Variants in C1orf198 observed in about 807,000 individuals in gnomAD.
C1orf198 encodes uncharacterized protein C1orf198.
In C1orf198, 17 loss-of-function variants were observed where a neutral mutation model predicts 31.4. The ratio of observed to expected loss-of-function variants is 0.54; its 90% CI spans 0.37 to 0.81. The LOEUF (loss-of-function observed/expected upper bound fraction) is 0.81. Among genes scored for constraint, C1orf198 ranks in the 40% least tolerant of loss-of-function variants. The pLI is 0.00. For missense variants in C1orf198, 401 were observed against 450.3 expected (o/e 0.89, Z 0.99); for synonymous variants, 175 against 193.8 (o/e 0.90, Z 0.81).
chr1:230,852,655 T>C (rs967860804), intron 2 of C1orf198, among the ~76,000 whole-genome samples: 1 of 152,166 alleles, frequency 6.6e-6, no homozygotes, highest in African/African-American at 2.4e-5. Context: ...ACTATACACA[T>C]AAACATGATT....
chr1:230,851,183 C>A (rs1669733438), intron 2 of C1orf198, among the ~76,000 whole-genome samples: 1 of 152,136 alleles, frequency 6.6e-6, no homozygotes, highest in South Asian at 2.1e-4. Context: ...TCTTTTGATA[C>A]CCATGAAATC....
Position 230,843,368 on chromosome 1 carries a change from G to A in C1orf198, c.913C>T (p.Pro305Ser). 1 of 1,555,072 alleles carries A rather than the reference G, an allele frequency of 6.4e-7. No individual in the cohort carries two copies. Among genetic ancestry groups the A allele is most frequent in the Non-Finnish European group, 8.7e-7 (1 of 1,148,772 alleles). ...DDGEDTLFSEPKFAQVSSSNV... is the reference protein window; with the variant it reads ...DDGEDTLFSESKFAQVSSSNV... ...AGGCCACTCACCTGTGCAAACTTGG[G>A]TTCCGAGAACAGGGTGTCTTCCCCA... Residue 305 changes from proline to serine, a missense_variant, in exon 3 of 4, where the codon CCC becomes TCC. Coordinates refer to ENST00000366663, the MANE Select transcript of C1orf198 (RefSeq NM_032800.3). The surrounding 1 kb of genome is among the most constrained non-coding windows in gnomAD (Gnocchi z 4.9).
chr1:230,868,621 A>C (rs1670184264), upstream of C1orf198: 1 of 813,112 alleles, frequency 1.2e-6, no homozygotes. Context: ...CCCGCCCTGC[A>C]CCGCCGCGTA....
chr1:230,865,594 G>C (rs1413894592), intron 1 of C1orf198, among the ~76,000 whole-genome samples: 1 of 152,184 alleles, frequency 6.6e-6, no homozygotes, highest in Non-Finnish European at 1.5e-5. Context: ...CTCCTTCCCT[G>C]AGGAGAACCA....
intron 2 of C1orf198, among the ~76,000 whole-genome samples, chr1:230,853,220 C>T (rs1669788387): frequency 6.6e-6 from 1 of 152,084 alleles, no homozygotes. Flanking sequence ...CTGCTTCAAG[C>T]CATTAAGTTT....
chr1:230,859,115 G>A lies in C1orf198; in HGVS notation c.334-3397C>T, dbSNP rs186116486. Among the ~76,000 whole-genome samples, 259 of 152,302 alleles carry A rather than the reference G, an allele frequency of 1.7e-3. 1 individual carries two copies. Among genetic ancestry groups the A allele is most frequent in the Middle Eastern group, 3.4e-3 (1 of 294 alleles). ...CAAACAAAAATGTGATGGAAGCTCT[G>A]ATGTCAGCCGTGGACTGCACGCTCT... On this transcript the variant is annotated intron_variant, in intron 1 of 3. Transcript: ENST00000366663.
chr1:230,853,551 G>A (rs6673901), intron 2 of C1orf198, among the ~76,000 whole-genome samples: 1 of 151,966 alleles, frequency 6.6e-6, no homozygotes, highest in Non-Finnish European at 1.5e-5. Context: ...TCTGAGATAC[G>A]CTCTATTTTG....
chr1:230,849,729 T>A (rs1029210338), intron 2 of C1orf198, among the ~76,000 whole-genome samples: 1 of 152,212 alleles, frequency 6.6e-6, no homozygotes, highest in Non-Finnish European at 1.5e-5. Context: ...CTCGGACAGA[T>A]CTAAATTGTT....
chr1:230,848,969 G>T (rs546736576), intron 2 of C1orf198, among the ~76,000 whole-genome samples: 6 of 152,184 alleles, frequency 3.9e-5, no homozygotes, highest in Non-Finnish European at 8.8e-5. Context: ...ACCCAGGGGG[G>T]ACCTGTACTG....
At chr1:230,851,024 A>C (rs1406915690) in intron 2 of C1orf198, among the ~76,000 whole-genome samples, 1 of 151,888 alleles carries the variant, frequency 6.6e-6, no homozygotes, top group African/African-American at 2.4e-5. Flanking sequence ...CAGCCTCCCA[A>C]GGGTGAAAGA....
intron 2 of C1orf198, among the ~76,000 whole-genome samples, chr1:230,844,373 G>A (rs1023507208): frequency 1.3e-5 from 2 of 151,876 alleles, no homozygotes; most frequent in East Asian, 1.9e-4. Context: ...GCTCTCCTCC[G>A]CCTTCCACCA....
At chr1:230,862,982 G>C (rs1670033905) in intron 1 of C1orf198, among the ~76,000 whole-genome samples, 1 of 152,156 alleles carries the variant, frequency 6.6e-6, no homozygotes, top group African/African-American at 2.4e-5. Flanking sequence ...ATCTAAAATT[G>C]CTCTAAAAAA....
chr1:230,845,062 C>A (rs1244158237), intron 2 of C1orf198, among the ~76,000 whole-genome samples: 1 of 152,218 alleles, frequency 6.6e-6, no homozygotes, highest in African/African-American at 2.4e-5. Context: ...TATTTCCCTG[C>A]CTCTTTCTAA....
chr1:230,848,029 G>A (rs1221532928), intron 2 of C1orf198, among the ~76,000 whole-genome samples: 2 of 152,184 alleles, frequency 1.3e-5, no homozygotes, highest in African/African-American at 4.8e-5. Flanking sequence ...GCTGCTTCAG[G>A]GGCGCTGCGG....
intron 2 of C1orf198, 135 bp from the exon 3 acceptor site, chr1:230,844,031 T>G (rs1669521922): frequency 2.2e-6 from 2 of 906,036 alleles, no homozygotes; most frequent in East Asian, 5.1e-5. Flanking sequence ...GCCCATGTGC[T>G]GGAACTGTCT....
intron 1 of C1orf198, among the ~76,000 whole-genome samples, chr1:230,862,543 A>G (rs1670026059): frequency 6.6e-6 from 1 of 152,222 alleles, no homozygotes; most frequent in South Asian, 2.1e-4. Context: ...AAAAGAAATG[A>G]GCTACCAAGC....
chr1:230,868,041 T>C (rs1008618544), intron 1 of C1orf198, 139 bp downstream of exon 1: 87 of 551,368 alleles, frequency 1.6e-4, no homozygotes, highest in East Asian at 3.6e-4. Flanking sequence ...GGGGCTCCCC[T>C]CCCACCCACT....
Position 230,868,299 on chromosome 1 carries a change from G to C in C1orf198, c.214C>G (p.Arg72Gly). The C allele has an allele frequency of 1.3e-6, 2 of 1,598,076 alleles. No homozygotes were observed. The highest frequency in any genetic ancestry group is 1.7e-6 in the Non-Finnish European group (2 of 1,173,256). Residue 72 changes from arginine (R) to glycine (G), a missense_variant, in exon 1 of 4, where the codon CGG (arginine) becomes GGG (glycine). By Grantham distance (125) the Arg-to-Gly change is moderately radical. Transcript: ENST00000366663. Reference sequence around the variant, plus strand: ...GGGGCGCGCGGCCCCACCAGGCACCGGTCGATGATCTCGTCCTGCTGCGCG... The same window carrying C: ...GGGGCGCGCGGCCCCACCAGGCACCCGTCGATGATCTCGTCCTGCTGCGCG... ...PPAQQDEIIDRCLVGPRAPAP... is the reference protein window; with the variant it reads ...PPAQQDEIIDGCLVGPRAPAP...
At chr1:230,864,527 G>A (rs1670070275) in intron 1 of C1orf198, among the ~76,000 whole-genome samples, 1 of 152,168 alleles carries the variant, frequency 6.6e-6, no homozygotes, top group African/African-American at 2.4e-5. Flanking sequence ...CACGGCAGTG[G>A]ATCATGCCAA....
Sources: allele counts gnomAD v4.1 joint callset (sites outside exome capture counted in the v4.1 genomes callset), GRCh38; gene constraint gnomAD v4.1.1; non-coding constraint Gnocchi (gnomAD v3.1); transcripts MANE v1.5; gene names NCBI Gene and HGNC (gene_info 2026-07-23, HGNC 2026-07-21).